Variants in NRXN3 observed in about 807,000 individuals in gnomAD.
NRXN3 encodes the protein neurexin 3.
In NRXN3, 32 loss-of-function variants were observed where a neutral mutation model predicts 137.6. The ratio of observed to expected loss-of-function variants is 0.23; its 90% CI spans 0.18 to 0.31. The LOEUF (loss-of-function observed/expected upper bound fraction) is 0.31, where lower values mean the gene tolerates loss of function less well. Ranked by LOEUF, NRXN3 falls within the 10% of genes least tolerant of loss-of-function variation. NRXN3 has a pLI of 1.00. For missense variants in NRXN3, 1,574 were observed against 2,062.5 expected (o/e 0.76, Z 4.59); for synonymous variants, 798 against 784.5 (o/e 1.02, Z -0.29).
At chr14:78,398,554 T>C (rs1420234766) in intron 4 of NRXN3, among the ~76,000 whole-genome samples, 1 of 152,050 alleles carries the variant, frequency 6.6e-6, no homozygotes, top group Non-Finnish European at 1.5e-5. Context: ...AGTTTGGAGG[T>C]CTGGCTTCCT....
chr14:78,256,658 T>A (rs1281998642), intron 2 of NRXN3, among the ~76,000 whole-genome samples: 1 of 152,238 alleles, frequency 6.6e-6, no homozygotes, highest in Non-Finnish European at 1.5e-5. Context: ...CTGACTTCAT[T>A]GATTAATTTG....
chr14:79,074,316 G>T (rs1003013720), intron 15 of NRXN3, among the ~76,000 whole-genome samples: 1 of 152,140 alleles, frequency 6.6e-6, no homozygotes, highest in Admixed American at 6.5e-5. Context: ...TACTTCCAAT[G>T]AGTTGAAAAA....
At position 78,302,273 on chromosome 14, in the gene NRXN3, C is replaced by T. The variant is rs531919199; in HGVS notation, c.757+4413C>T. ...CACGTGAGTATCTTATTTTCTTTCTCGGAGTCACTGCTACTACCACTACTA... is the reference window on the plus strand; with the variant it reads ...CACGTGAGTATCTTATTTTCTTTCTTGGAGTCACTGCTACTACCACTACTA... On this transcript the variant is annotated intron_variant, in intron 4 of 20. Transcript: ENST00000335750. 6.6e-5 allele frequency among the ~76,000 whole-genome samples: 10 copies of T among 152,246 alleles called. No homozygotes were observed. In the South Asian group the frequency reaches 1.0e-3, roughly 16 times the overall value.
At chr14:79,396,938 T>C (rs1199477232) in intron 15 of NRXN3, among the ~76,000 whole-genome samples, 1 of 152,178 alleles carries the variant, frequency 6.6e-6, no homozygotes, top group Non-Finnish European at 1.5e-5. Flanking sequence ...AAGAAAATCC[T>C]ACCTTCAGGG....
At chr14:78,996,578 G>A (rs1485935274) in intron 15 of NRXN3, among the ~76,000 whole-genome samples, 1 of 152,130 alleles carries the variant, frequency 6.6e-6, no homozygotes, top group Non-Finnish European at 1.5e-5. Context: ...TGGGGGGGAT[G>A]CTATTTTATT....
intron 10 of NRXN3, among the ~76,000 whole-genome samples, chr14:78,926,806 ATATATAT>A (rs1359553203): frequency 9.4e-5 from 5 of 53,382 alleles, no homozygotes; most frequent in Non-Finnish European, 1.6e-4. Flanking sequence ...TTATATATTT[ATATATAT>A]TATATATTAT....
chr14:78,419,023 G>A (rs961692220), intron 4 of NRXN3, among the ~76,000 whole-genome samples: 1 of 152,154 alleles, frequency 6.6e-6, no homozygotes, highest in Admixed American at 6.5e-5. Context: ...TGCTAACTCT[G>A]TGCTGGGCAC....
intron 2 of NRXN3, among the ~76,000 whole-genome samples, chr14:78,275,981 G>A (rs1165932158): frequency 6.6e-6 from 1 of 152,182 alleles, no homozygotes; most frequent in Admixed American, 6.5e-5. Context: ...AGAGATTCAG[G>A]TCACTCACTG....
At chr14:78,417,761 C>T in intron 4 of NRXN3, among the ~76,000 whole-genome samples, 1 of 152,076 alleles carries the variant, frequency 6.6e-6, no homozygotes, top group Non-Finnish European at 1.5e-5. Flanking sequence ...TTTGAGGTTA[C>T]ACATTTATTT....
At chr14:79,412,308 C>T (rs1388286500) in intron 15 of NRXN3, among the ~76,000 whole-genome samples, 1 of 152,030 alleles carries the variant, frequency 6.6e-6, no homozygotes, top group Non-Finnish European at 1.5e-5. Flanking sequence ...TTTACAAATA[C>T]TTATGGATTA....
At chr14:79,457,808 A>C (rs1223330521) in intron 15 of NRXN3, among the ~76,000 whole-genome samples, 3 of 152,058 alleles carry the variant, frequency 2.0e-5, no homozygotes, top group South Asian at 2.1e-4. Context: ...CTACCCCTTC[A>C]TTGTTCTTAT....
chr14:79,237,432 C>T (rs1272739805), intron 15 of NRXN3, among the ~76,000 whole-genome samples: 2 of 151,978 alleles, frequency 1.3e-5, no homozygotes, highest in African/African-American at 2.4e-5. Context: ...ATGAATACAA[C>T]CAACAGTGGG....
At chr14:79,079,707 G>A (rs906346195) in intron 15 of NRXN3, among the ~76,000 whole-genome samples, 4 of 152,094 alleles carry the variant, frequency 2.6e-5, no homozygotes, top group Non-Finnish European at 4.4e-5. Context: ...AGAAAAAGTC[G>A]GGCAGGGTGC....
chr14:79,005,054 A>G (rs1467613157), intron 15 of NRXN3, among the ~76,000 whole-genome samples: 1 of 152,126 alleles, frequency 6.6e-6, no homozygotes, highest in Non-Finnish European at 1.5e-5. Context: ...GGGAGTTTCT[A>G]TTGCTGGTAC....
chr14:78,572,995 G>A (rs774023955), intron 4 of NRXN3, among the ~76,000 whole-genome samples: 3 of 152,104 alleles, frequency 2.0e-5, no homozygotes, highest in Non-Finnish European at 4.4e-5. Context: ...TTAAAAAATG[G>A]GATTGGTTTC....
chr14:78,392,882 G>A (rs2090959971), intron 4 of NRXN3, among the ~76,000 whole-genome samples: 1 of 152,084 alleles, frequency 6.6e-6, no homozygotes, highest in African/African-American at 2.4e-5. Context: ...GCTTCCTTTT[G>A]CAGGCCCAAA....
At chr14:79,390,877 T>C (rs969884676) in intron 15 of NRXN3, among the ~76,000 whole-genome samples, 9 of 152,174 alleles carry the variant, frequency 5.9e-5, no homozygotes, top group African/African-American at 1.4e-4. Flanking sequence ...GCCTTCATGA[T>C]TGAATTAATG....
At chr14:79,716,219 A>G (rs1054019208) in intron 19 of NRXN3, among the ~76,000 whole-genome samples, 2 of 152,238 alleles carry the variant, frequency 1.3e-5, no homozygotes, top group East Asian at 3.9e-4. Flanking sequence ...AATTGGAGAC[A>G]TGAATCATTT....
At chr14:78,996,830 A>T (rs1027530718) in intron 15 of NRXN3, among the ~76,000 whole-genome samples, 1 of 152,088 alleles carries the variant, frequency 6.6e-6, no homozygotes, top group Non-Finnish European at 1.5e-5. Flanking sequence ...ATTTCTCTGC[A>T]TCTGTTTTTA....
Sources: allele counts gnomAD v4.1 joint callset (sites outside exome capture counted in the v4.1 genomes callset), GRCh38; gene constraint gnomAD v4.1.1; transcripts MANE v1.5; gene names NCBI Gene and HGNC (gene_info 2026-07-23, HGNC 2026-07-21).